TBC1D5: variants seen among roughly 807,000 people sequenced by gnomAD.
TBC1D5 encodes TBC1 domain family, member 5.
TBC1D5 carries 75 observed loss-of-function variants against 100.3 expected under a neutral mutation model. That is an observed-to-expected ratio of 0.75 (90% CI 0.62 to 0.91). The LOEUF (loss-of-function observed/expected upper bound fraction) is 0.91, where lower values mean the gene tolerates loss of function less well. TBC1D5 is among the 40% of genes least tolerant of loss of function. The pLI is 0.00. For missense variants in TBC1D5, 910 were observed against 942.4 expected, an observed-to-expected ratio of 0.97 and a Z score of 0.45; for synonymous variants, 323 against 325.6, an observed-to-expected ratio of 0.99 and a Z score of 0.09.
At chr3:17,681,215 T>C (rs1321188608) in intron 1 of TBC1D5, among the ~76,000 whole-genome samples, 2 of 151,640 alleles carry the variant, frequency 1.3e-5, no homozygotes, top group East Asian at 3.8e-4. Flanking sequence ...TTTCCTTTTT[T>C]GTTAGGTATA....
rs182282395 is a variant in TBC1D5 at position 17,281,095 on chromosome 3, G to A, written c.1245+10800C>T. Among the ~76,000 whole-genome samples, 204 of 152,336 alleles carry A rather than the reference G, an allele frequency of 1.3e-3. 2 individuals are homozygous for A. The highest frequency in any genetic ancestry group is 4.7e-3 in the African/African-American group (195 of 41,574). On this transcript the variant is annotated intron_variant, in intron 15 of 21. Coordinates refer to ENST00000253692, the Ensembl canonical transcript of TBC1D5. ...AGCTAGCTCCAGAGAGGGCACACCA[G>A]TTCCCACCCGTGAAGGGGTCAGGGA...
At chr3:17,612,487 G>A (rs549382044) in intron 2 of TBC1D5, among the ~76,000 whole-genome samples, 29 of 151,656 alleles carry the variant, frequency 1.9e-4, no homozygotes, top group Admixed American at 4.6e-4. Flanking sequence ...AAAATTAGTC[G>A]GGCATGGTGG....
intron 1 of TBC1D5, among the ~76,000 whole-genome samples, chr3:17,665,971 TA>T (rs925475411): frequency 2.6e-5 from 4 of 152,292 alleles, no homozygotes; most frequent in Admixed American, 2.0e-4. Context: ...CCAAAAAGCT[TA>T]TCCAAAGGTA....
chr3:17,583,069 G>C (rs762381145), intron 2 of TBC1D5, among the ~76,000 whole-genome samples: 1 of 152,110 alleles, frequency 6.6e-6, no homozygotes, highest in Non-Finnish European at 1.5e-5. Context: ...TGGATCACTT[G>C]AGCTCAAGAG....
chr3:17,470,020 T>C (rs918197217), intron 3 of TBC1D5, among the ~76,000 whole-genome samples: 1 of 152,130 alleles, frequency 6.6e-6, no homozygotes, highest in Non-Finnish European at 1.5e-5. Flanking sequence ...ATAAGCTGTG[T>C]CACTCAGTCA....
chr3:17,630,832 G>A lies in TBC1D5; in HGVS notation c.-100-6919C>T, dbSNP rs543151389. Among the ~76,000 whole-genome samples, 4 of 149,288 alleles carry A rather than the reference G, an allele frequency of 2.7e-5. 1 individual carries two copies. In the South Asian group the frequency reaches 6.3e-4, roughly 24 times the overall value. ...GGGCCGATCACGAGGTCAGGAGATC[G>A]AGACCATCCTGGCTAACACGGTGAA... On this transcript the variant is annotated intron_variant, in intron 1 of 21. Transcript: ENST00000253692.
chr3:17,700,706 G>A (rs774001818), intron 1 of TBC1D5, among the ~76,000 whole-genome samples: 3 of 152,210 alleles, frequency 2.0e-5, no homozygotes, highest in South Asian at 2.1e-4. Flanking sequence ...AGACATCTAC[G>A]CGGCCAACAG....
intron 3 of TBC1D5, among the ~76,000 whole-genome samples, chr3:17,477,139 T>C (rs949542962): frequency 6.6e-6 from 1 of 151,936 alleles, no homozygotes; most frequent in South Asian, 2.1e-4. Context: ...TTTTAATGTT[T>C]CCCCTACAAC....
intron 13 of TBC1D5, among the ~76,000 whole-genome samples, chr3:17,356,829 T>A (rs1197604638): frequency 6.6e-6 from 1 of 152,090 alleles, no homozygotes; most frequent in Non-Finnish European, 1.5e-5. Flanking sequence ...GGTGAGCTAG[T>A]CTCCCATTCT....
intron 2 of TBC1D5, among the ~76,000 whole-genome samples, chr3:17,536,487 T>C (rs1478230458): frequency 6.6e-6 from 1 of 152,216 alleles, no homozygotes; most frequent in Non-Finnish European, 1.5e-5. Context: ...TCTATCTCCA[T>C]AACTTCTCAT....
At chr3:17,430,152 T>C (rs2149385948) in intron 3 of TBC1D5, among the ~76,000 whole-genome samples, 1 of 151,876 alleles carries the variant, frequency 6.6e-6, no homozygotes, top group Admixed American at 6.6e-5. Flanking sequence ...AAAATTAGTC[T>C]CTGTCTTGCT....
chr3:17,485,597 T>C (rs2095555291), intron 3 of TBC1D5, among the ~76,000 whole-genome samples: 2 of 151,322 alleles, frequency 1.3e-5, no homozygotes, highest in South Asian at 4.2e-4. Flanking sequence ...CGGTGTTTGG[T>C]TTTTTGTCCT....
At chr3:17,690,996 G>C (rs1411624193) in intron 1 of TBC1D5, among the ~76,000 whole-genome samples, 1 of 152,180 alleles carries the variant, frequency 6.6e-6, no homozygotes, top group Non-Finnish European at 1.5e-5. Flanking sequence ...AGAAAGTACA[G>C]TATACATATA....
chr3:17,338,501 C>T (rs1263302130), intron 13 of TBC1D5: 2 of 152,204 alleles, frequency 1.3e-5, no homozygotes, highest in Non-Finnish European at 2.9e-5. Flanking sequence ...GCCACCTCCT[C>T]ACAAAACAAA....
At chr3:17,631,812 G>C (rs2063527457) in intron 1 of TBC1D5, among the ~76,000 whole-genome samples, 1 of 152,126 alleles carries the variant, frequency 6.6e-6, no homozygotes, top group African/African-American at 2.4e-5. Flanking sequence ...CTACTGCTCA[G>C]AAAAAAAGAT....
chr3:17,473,547 A>G (rs912505013), intron 3 of TBC1D5, among the ~76,000 whole-genome samples: 4 of 152,196 alleles, frequency 2.6e-5, no homozygotes, highest in Non-Finnish European at 1.5e-5. Context: ...GCTCTGAGAG[A>G]AAGAGGTTTT....
chr3:17,306,520 G>A (rs2150509597), intron 14 of TBC1D5, among the ~76,000 whole-genome samples: 1 of 152,218 alleles, frequency 6.6e-6, no homozygotes, highest in East Asian at 1.9e-4. Flanking sequence ...GTGAAAAGAT[G>A]AAAAATGTGT....
At chr3:17,703,323 A>G (rs2073473988) in intron 1 of TBC1D5, among the ~76,000 whole-genome samples, 1 of 152,138 alleles carries the variant, frequency 6.6e-6, no homozygotes, top group South Asian at 2.1e-4. Context: ...AAATCCCTAC[A>G]TATATAGATA....
chr3:17,701,072 A>C (rs2073113151), intron 1 of TBC1D5, among the ~76,000 whole-genome samples: 1 of 152,206 alleles, frequency 6.6e-6, no homozygotes, highest in Non-Finnish European at 1.5e-5. Context: ...AAAGACTTGG[A>C]ACCAACCCAA....
Sources: allele counts gnomAD v4.1 joint callset (sites outside exome capture counted in the v4.1 genomes callset), GRCh38; gene constraint gnomAD v4.1.1; transcripts MANE v1.5; gene names NCBI Gene and HGNC (gene_info 2026-07-23, HGNC 2026-07-21).